The following MYPN variants were observed in gnomAD, a reference collection of about 807,000 sequenced individuals.
MYPN encodes the protein myopalladin, also known as sarcomeric protein myopalladin, 145 kDa (MYOP).
In MYPN, 63 loss-of-function variants were observed where a neutral mutation model predicts 129.4. The observed-to-expected ratio is 0.49, with a 90% CI of 0.40 to 0.60. The LOEUF (loss-of-function observed/expected upper bound fraction) is 0.60, where lower values mean the gene tolerates loss of function less well. Among genes scored for constraint, MYPN ranks in the 20% least tolerant of loss-of-function variants. The pLI is 0.00. For synonymous variants in MYPN, 629 were observed against 600.9 expected (o/e 1.05, Z -0.68); for missense variants, 1,596 against 1,635.4 (o/e 0.98, Z 0.42).
rs2042980003 is a variant in MYPN at position 68,161,741 on chromosome 10, T to C, written c.1472T>C (p.Met491Thr). Residue 491 changes from methionine (M) to threonine (T), a missense_variant, in exon 8 of 20, where the codon ATG becomes ACG. Physicochemically the swap from Met to Thr is moderately conservative, Grantham distance 81 (BLOSUM62 -1). Coordinates refer to ENST00000358913, the MANE Select transcript of MYPN (RefSeq NM_032578.4). The part of the protein sequence containing the change: ...FRILQKKPRS[M>T]AEPEEICTLV... The stretch of plus-strand genomic sequence containing the variant: ...TCTTTTCTTTTAGAACCTCGATCCA[T>C]GGCAGAGCCAGGTAAAGATGATTTC... 6.8e-6 allele frequency: 11 copies of C among 1,611,090 alleles called. No individual in the cohort carries two copies. The highest frequency in any genetic ancestry group is 3.3e-5 in the Admixed American group (2 of 59,890).
intron 7 of MYPN, among the ~76,000 whole-genome samples, chr10:68,160,608 TTAAGA>T (rs1172220642): frequency 3.9e-5 from 6 of 152,172 alleles, no homozygotes; most frequent in East Asian, 1.9e-4. Context: ...CCAAAGAATT[TTAAGA>T]TAAGATAAGA....
At chr10:68,201,742 C>T (rs1042146487) in intron 17 of MYPN, 87 bp from the exon 18 acceptor site, 4 of 1,481,394 alleles carry the variant, frequency 2.7e-6, no homozygotes, top group African/African-American at 2.8e-5. Context: ...GATCTTGCCA[C>T]CACACTCCAG....
In MYPN at chr10:68,129,253, A is replaced by G. The variant is rs543148852; in HGVS notation, c.902+6913A>G. The stretch of plus-strand genomic sequence containing the variant: ...ATAAGCAATGTGTGCAAAGGGGTAC[A>G]TTGTTCTAGTCTCTCTATGTATGTT... On this transcript the variant is annotated intron_variant, in intron 2 of 19. Transcript: ENST00000358913. Among the ~76,000 whole-genome samples the G allele has an allele frequency of 2.6e-5, 4 of 152,318 alleles. No individual in the cohort carries two copies. The South Asian group carries it at 6.2e-4, about 24-fold the overall frequency.
At chr10:68,203,720 C>CAGAGAGAGAGAG (rs371058853) in intron 18 of MYPN, among the ~76,000 whole-genome samples, 1,405 of 115,684 alleles carry the variant, frequency 0.012, 29 homozygotes, top group Middle Eastern at 0.046. Flanking sequence ...CATACACACA[C>CAGAGAGAGAGAG]AGAGAGAGAG....
chr10:68,153,075 T>C (rs1182104841), intron 6 of MYPN, among the ~76,000 whole-genome samples: 3 of 151,862 alleles, frequency 2.0e-5, no homozygotes, highest in African/African-American at 7.3e-5. Flanking sequence ...AACCTTTGCC[T>C]CCTGGGTTCA....
At chr10:68,105,425 T>G (rs937911962), upstream of MYPN, among the ~76,000 whole-genome samples, 2 of 152,240 alleles carry the variant, frequency 1.3e-5, no homozygotes, top group African/African-American at 4.8e-5. Flanking sequence ...ATATAATCAT[T>G]ATATTAATGT....
At chr10:68,123,813 A>C (rs1005351887) in intron 2 of MYPN, among the ~76,000 whole-genome samples, 7 of 152,230 alleles carry the variant, frequency 4.6e-5, no homozygotes, top group Admixed American at 1.3e-4. Flanking sequence ...AGTATTGGAC[A>C]GCGCAGGGCT....
At chr10:68,169,808 C>T (rs1483578291) in intron 10 of MYPN, among the ~76,000 whole-genome samples, 3 of 151,776 alleles carry the variant, frequency 2.0e-5, no homozygotes, top group Non-Finnish European at 4.4e-5. Context: ...GGCGTGATCT[C>T]AGCTCACTGC....
At chr10:68,112,482 C>T (rs190118190) in intron 1 of MYPN, among the ~76,000 whole-genome samples, 1 of 152,290 alleles carries the variant, frequency 6.6e-6, no homozygotes, top group Admixed American at 6.5e-5. Context: ...AAATGGCCTA[C>T]TCACCTTTGG....
At chr10:68,157,859 C>CAAATA (rs141372152) in intron 6 of MYPN, among the ~76,000 whole-genome samples, 1 of 144,554 alleles carries the variant, frequency 6.9e-6, no homozygotes, top group South Asian at 2.2e-4. Context: ...AACAAACAAA[C>CAAATA]AAAAAAAAAC....
chr10:68,133,931 A>G (rs992443497), intron 2 of MYPN, among the ~76,000 whole-genome samples: 3 of 151,936 alleles, frequency 2.0e-5, no homozygotes, highest in African/African-American at 7.3e-5. Flanking sequence ...TCCCCCTGTA[A>G]TCAGAGCCAA....
In MYPN at chr10:68,210,585, C is replaced by G. The variant is rs747241469; in HGVS notation, c.*130C>G. 1 of 1,096,812 alleles carries G rather than the reference C, an allele frequency of 9.1e-7. No homozygotes were observed. The highest frequency in any genetic ancestry group is 2.4e-5 in the East Asian group (1 of 42,288). The allele number at this position is 1,096,812 out of a possible 1,614,324, so 67.9% of individuals were successfully genotyped here. ...ACTGCTGGACCTGTGGCAAAGAGTG[C>G]TTTGAATAAGTCAGCTAGGGATTCT... On this transcript the variant is annotated 3_prime_UTR_variant, in exon 20 of 20. Coordinates refer to ENST00000358913, the MANE Select transcript of MYPN (RefSeq NM_032578.4).
chr10:68,142,837 G>A (rs2042597957), intron 2 of MYPN, 103 bp from the exon 3 acceptor site: 1 of 1,122,886 alleles, frequency 8.9e-7, no homozygotes, highest in Non-Finnish European at 1.4e-6. Context: ...TGTTGTTGTT[G>A]TTCTGACTTC....
rs190270620 is a variant in MYPN, at chr10:68,193,874, G to A, written c.2926-489G>A. Among the ~76,000 whole-genome samples, 74 of 145,200 alleles carry A rather than the reference G, an allele frequency of 5.1e-4. No homozygotes were observed. In the East Asian group the frequency reaches 0.014, roughly 28 times the overall value. ...ACATTTTGGCTAGATGAGAAATTTA[G>A]CAAGTTAATCCTAGCCTCATTCCAT... On this transcript the variant is annotated intron_variant, in intron 13 of 19. Transcript: ENST00000358913.
intron 12 of MYPN, among the ~76,000 whole-genome samples, chr10:68,182,330 ATAACAC>A (rs1410515025): frequency 0.035 from 1,858 of 53,142 alleles, 227 homozygotes; most frequent in African/African-American, 0.041. Flanking sequence ...TAACATATAT[ATAACAC>A]ACACATATAT....
In MYPN at chr10:68,183,236, G is replaced by A. The variant is rs565947821; in HGVS notation, c.2704-5669G>A. ...AGAACTTTGGGAGGCTGAGGCGGGC[G>A]GATTGCTTGAGCTTAGGAGTTCAAG... On this transcript the variant is annotated intron_variant, in intron 12 of 19. Coordinates refer to ENST00000358913, the MANE Select transcript of MYPN (RefSeq NM_032578.4). Among the ~76,000 whole-genome samples the A allele has an allele frequency of 2.0e-3, 304 of 152,244 alleles. 2 individuals carry two copies. The highest frequency in any genetic ancestry group is 7.0e-3 in the African/African-American group (291 of 41,556).
At position 68,209,329 on chromosome 10, in the gene MYPN, C is replaced by T. The variant is rs541570741; in HGVS notation, c.3794-957C>T. Among the ~76,000 whole-genome samples the T allele has an allele frequency of 2.6e-5, 4 of 152,298 alleles. No homozygotes were observed. The East Asian group carries it at 7.7e-4, about 29-fold the overall frequency. ...CAGCAGCACTTGGTGAACATAGAAA[C>T]TCTAATAAATTATCTTTTGTCCCTG... On this transcript the variant is annotated intron_variant, in intron 19 of 19. Coordinates refer to ENST00000358913, the MANE Select transcript of MYPN (RefSeq NM_032578.4).
rs750516979 is a variant in MYPN at position 68,121,558 on chromosome 10, C to G, written c.120C>G (p.Asn40Lys). The change falls in exon 2 of 20, where the codon AAC becomes AAG. Residue 40 changes from asparagine (N) to lysine (K), a missense_variant. Asn to Lys is a moderately conservative substitution (Grantham distance 94). Transcript: ENST00000358913. ...NERSRAEPSS[N>K]PCHFGSPSGA... ...GGAGTCGAGCGGAGCCCTCCTCCAA[C>G]CCTTGCCATTTCGGCAGTCCTTCTG... 6.2e-7 allele frequency: 1 copy of G among 1,614,224 alleles called. No homozygotes were observed. Among genetic ancestry groups the G allele is most frequent in the Non-Finnish European group, 8.5e-7 (1 of 1,180,040 alleles).
chr10:68,194,171 T>C (rs1192234616), intron 13 of MYPN, among the ~76,000 whole-genome samples, 192 bp from the exon 14 acceptor site: 4 of 152,104 alleles, frequency 2.6e-5, no homozygotes, highest in Admixed American at 2.6e-4. Flanking sequence ...TATTAAATAG[T>C]ATTATACAGG....
Sources: allele counts gnomAD v4.1 joint callset (sites outside exome capture counted in the v4.1 genomes callset), GRCh38; gene constraint gnomAD v4.1.1; transcripts MANE v1.5; gene names NCBI Gene and HGNC (gene_info 2026-07-23, HGNC 2026-07-21).